The following PYROXD2 variants were observed in gnomAD, a reference collection of about 807,000 sequenced individuals.
PYROXD2 encodes the protein pyridine nucleotide-disulphide oxidoreductase domain 2.
A neutral mutation model predicts 71.1 loss-of-function variants in PYROXD2; 69 were observed. The ratio of observed to expected loss-of-function variants is 0.97; its 90% CI spans 0.80 to 1.19. The LOEUF is 1.19. PYROXD2 is among the 50% of genes most tolerant of loss of function. PYROXD2 has a pLI of 0.00. For synonymous variants in PYROXD2, 287 were observed against 302.7 expected (o/e 0.95, Z 0.54); for missense variants, 745 against 748.9 (o/e 0.99, Z 0.06).
At chr10:98,402,167 A>G (rs1288705419) in intron 4 of PYROXD2, among the ~76,000 whole-genome samples, 3 of 152,198 alleles carry the variant, frequency 2.0e-5, no homozygotes, top group Non-Finnish European at 4.4e-5. Context: ...TATATAGTCT[A>G]TCGTTGACCA....
Position 98,415,147 on chromosome 10 carries a change from G to C in PYROXD2, c.-12C>G. The C allele has an allele frequency of 6.2e-7, 1 of 1,610,762 alleles. No individual in the cohort carries two copies. The highest frequency in any genetic ancestry group is 1.1e-5 in the South Asian group (1 of 90,592). On this transcript the variant is annotated 5_prime_UTR_variant, in exon 1 of 16. Transcript: ENST00000370575. ...CCACTTGCAGCCATTTCTGCCCCAG[G>C]CTGGGCCTTGCTAGGCAGGGAGTTT...
At position 98,407,645 on chromosome 10, in the gene PYROXD2, G is replaced by T; in HGVS notation, c.252C>A (p.Phe84Leu). 6.2e-7 allele frequency: 1 copy of T among 1,613,968 alleles called. No homozygotes were observed. The highest frequency in any genetic ancestry group is 8.5e-7 in the Non-Finnish European group (1 of 1,179,994). Residue 84 changes from phenylalanine (F) to leucine (L), a missense_variant, in exon 4 of 16, where the codon TTC (phenylalanine) becomes TTA (leucine). Phe to Leu is a conservative substitution (Grantham distance 22, BLOSUM62 0). Coordinates refer to ENST00000370575, the MANE Select transcript of PYROXD2 (RefSeq NM_032709.3). ...GGCTGAGCAGGTAGGACGCGCGGGAGAACTTAAACCCTGAAACCGAATCCG... is the reference window on the plus strand; with the variant it reads ...GGCTGAGCAGGTAGGACGCGCGGGATAACTTAAACCCTGAAACCGAATCCG... Reference protein sequence around the residue: ...VTEEIIPGFKFSRASYLLSLL... With the variant: ...VTEEIIPGFKLSRASYLLSLL...
intron 1 of PYROXD2, 117 bp downstream of exon 1, chr10:98,414,892 G>A: frequency 7.0e-7 from 1 of 1,431,764 alleles, no homozygotes; most frequent in Non-Finnish European, 9.3e-7. Flanking sequence ...CTTCTGGCTG[G>A]GTTATGCCAG....
intron 5 of PYROXD2, among the ~76,000 whole-genome samples, chr10:98,399,122 C>T (rs986127935): frequency 6.6e-6 from 1 of 152,094 alleles, no homozygotes; most frequent in Non-Finnish European, 1.5e-5. Context: ...GCCTGGGCAA[C>T]AGAGTGAGAC....
intron 4 of PYROXD2, among the ~76,000 whole-genome samples, chr10:98,403,808 A>C (rs1843503528): frequency 6.6e-6 from 1 of 152,178 alleles, no homozygotes; most frequent in Non-Finnish European, 1.5e-5. Context: ...TCTCTGCCTA[A>C]GAGCAGTGTC....
chr10:98,401,603 A>G (rs1393267717), intron 4 of PYROXD2, among the ~76,000 whole-genome samples: 1 of 152,208 alleles, frequency 6.6e-6, no homozygotes, highest in Non-Finnish European at 1.5e-5. Context: ...TTGTACAGCT[A>G]TATAAAATAT....
At chr10:98,386,323 GAGGGAGGAAGGAAGGAAGGA>G (rs1842750606) in intron 14 of PYROXD2, among the ~76,000 whole-genome samples, 1 of 59,724 alleles carries the variant, frequency 1.7e-5, no homozygotes, top group African/African-American at 6.4e-5. Flanking sequence ...ACAAGGAAGG[GAGGGAGGAAGGAAGGAAGGA>G]AGGAAGGAAG....
At chr10:98,413,224 G>A (rs923023952) in intron 1 of PYROXD2, among the ~76,000 whole-genome samples, 8 of 152,162 alleles carry the variant, frequency 5.3e-5, no homozygotes, top group Non-Finnish European at 1.2e-4. Flanking sequence ...TTACACCACT[G>A]TCATCAGCAA....
intron 1 of PYROXD2, 66 bp from the exon 2 acceptor site, chr10:98,411,024 T>A: frequency 6.4e-7 from 1 of 1,550,698 alleles, no homozygotes; most frequent in Non-Finnish European, 8.7e-7. Flanking sequence ...AGACAGTCCT[T>A]GAGGAATGTG....
In PYROXD2 at chr10:98,407,591, C is replaced by T; in HGVS notation, c.306G>A (p.Leu102=). The T allele has an allele frequency of 6.2e-7, 1 of 1,613,874 alleles. No homozygotes were observed. The highest frequency in any genetic ancestry group is 8.5e-7 in the Non-Finnish European group (1 of 1,180,002). ...GGCGGGGGGGCCCTACCTTCAGCTCCAGATCAGTGTAAATCTGCGGCCTCA... is the reference window on the plus strand; with the variant it reads ...GGCGGGGGGGCCCTACCTTCAGCTCTAGATCAGTGTAAATCTGCGGCCTCA... ...SLLRPQIYTD[L]ELKKHGLRLH... Residue 102 remains leucine (L), a synonymous_variant, in exon 4 of 16, where the codon CTG becomes CTA. Transcript: ENST00000370575.
chr10:98,387,132 A>G (rs1003017198), intron 14 of PYROXD2, 69 bp downstream of exon 14: 4 of 1,150,510 alleles, frequency 3.5e-6, no homozygotes, highest in Non-Finnish European at 5.1e-6. Flanking sequence ...TAAAGCAGAG[A>G]GGTCATAGCC....
Position 98,407,643 on chromosome 10 carries a change from G to A in PYROXD2, c.254C>T (p.Ser85Phe). 6.2e-7 allele frequency: 1 copy of A among 1,613,962 alleles called. No homozygotes were observed. ...TEEIIPGFKF[S>F]RASYLLSLLR... ...CAGGCTGAGCAGGTAGGACGCGCGG[G>A]AGAACTTAAACCCTGAAACCGAATC... The change falls in exon 4 of 16, where the codon TCC (serine) becomes TTC (phenylalanine). Residue 85 changes from serine (S) to phenylalanine (F), a missense_variant. Ser to Phe is a radical substitution (Grantham distance 155). Transcript: ENST00000370575.
rs146106518 is a variant in PYROXD2, at chr10:98,386,961, A to G, written c.1554+240T>C. Among the ~76,000 whole-genome samples, 74 of 152,272 alleles carry G rather than the reference A, an allele frequency of 4.9e-4. No homozygotes were observed. The East Asian group carries it at 0.013, about 27-fold the overall frequency. ...ATAGTTGTCAAGGCAGAGGGCCACA[A>G]TCCTGGTGACCTTCTCAGTGGGGGC... is the stretch of plus-strand genomic sequence containing the variant. On this transcript the variant is annotated intron_variant, in intron 14 of 15. Transcript: ENST00000370575.
chr10:98,394,229 C>T (rs1455473189), intron 8 of PYROXD2, among the ~76,000 whole-genome samples: 1 of 152,160 alleles, frequency 6.6e-6, no homozygotes, highest in Non-Finnish European at 1.5e-5. Flanking sequence ...GAACAGATTA[C>T]TTAAAGATCA....
In PYROXD2 at chr10:98,390,638, G is replaced by A; in HGVS notation, c.1252C>T (p.Gln418Ter). Reference sequence around the variant, plus strand: ...CCATCCATGGCATCTTCAAAGGCCTGATGAAGGAGGAGGGTGTCTTCACAG... The same window carrying A: ...CCATCCATGGCATCTTCAAAGGCCTAATGAAGGAGGAGGGTGTCTTCACAG... ...LNCEDTLLLH[Q>*]AFEDAMDGLP... is the part of the protein sequence containing the mutation. Residue 418 changes from glutamine to a stop codon, truncating the protein, a stop_gained, in exon 12 of 16, where the codon CAG becomes TAG. Coordinates refer to ENST00000370575, the MANE Select transcript of PYROXD2 (RefSeq NM_032709.3). LOFTEE classifies it high-confidence loss of function. The A allele has an allele frequency of 6.2e-7, 1 of 1,611,256 alleles. No homozygotes were observed. The highest frequency in any genetic ancestry group is 8.5e-7 in the Non-Finnish European group (1 of 1,178,280).
chr10:98,413,878 T>C (rs1843873445), intron 1 of PYROXD2: 1 of 152,178 alleles, frequency 6.6e-6, no homozygotes, highest in African/African-American at 2.4e-5. Flanking sequence ...CATTTGCAAC[T>C]ATAGGTTGGC....
At position 98,388,489 on chromosome 10, in the gene PYROXD2, T is replaced by A; in HGVS notation, c.1312A>T (p.Ile438Phe). ...AGGGTGGGGTCCAGCGAGGAAGGGATGCAGAGCTCAATCACAGGCCTGTGC... is the reference window on the plus strand; with the variant it reads ...AGGGTGGGGTCCAGCGAGGAAGGGAAGCAGAGCTCAATCACAGGCCTGTGC... Reference protein sequence around the residue: ...PSHRPVIELCIPSSLDPTLAP... With the variant: ...PSHRPVIELCFPSSLDPTLAP... Residue 438 changes from isoleucine to phenylalanine, a missense_variant, in exon 13 of 16, where the codon ATC becomes TTC. Transcript: ENST00000370575. 1 of 1,609,146 alleles carries A rather than the reference T, an allele frequency of 6.2e-7. No individual in the cohort carries two copies. Among genetic ancestry groups the A allele is most frequent in the Non-Finnish European group, 8.5e-7 (1 of 1,178,244 alleles).
chr10:98,391,207 C>T, intron 10 of PYROXD2, 125 bp from the exon 11 acceptor site: 1 of 689,190 alleles, frequency 1.5e-6, no homozygotes, highest in Non-Finnish European at 2.6e-6. Flanking sequence ...CTTCAAAGCT[C>T]AGCCAAAACC....
At chr10:98,389,490 T>A (rs1842874134) in intron 12 of PYROXD2, among the ~76,000 whole-genome samples, 1 of 152,082 alleles carries the variant, frequency 6.6e-6, no homozygotes, top group East Asian at 1.9e-4. Context: ...TTTCCTGGAG[T>A]AAGAGCCAGG....
Sources: allele counts gnomAD v4.1 joint callset (sites outside exome capture counted in the v4.1 genomes callset), GRCh38; gene constraint gnomAD v4.1.1; transcripts MANE v1.5; gene names NCBI Gene and HGNC (gene_info 2026-07-23, HGNC 2026-07-21).